The following TTC6 variants were observed in gnomAD, a reference collection of about 807,000 sequenced individuals.
TTC6 encodes the protein tetratricopeptide repeat domain 6, also known as tetratricopeptide repeat protein 6.
TTC6 carries 172 observed loss-of-function variants against 210.4 expected under a neutral mutation model. That is an observed-to-expected ratio of 0.82 (90% CI 0.72 to 0.93). The LOEUF is 0.93. Among genes scored for constraint, TTC6 ranks in the 40% least tolerant of loss-of-function variants. TTC6 has a pLI of 0.00. For synonymous variants in TTC6, 804 were observed against 819.6 expected, an observed-to-expected ratio of 0.98 and a Z score of 0.32; for missense variants, 2,414 against 2,318.1, an observed-to-expected ratio of 1.04 and a Z score of -0.85.
In TTC6 at chr14:37,598,384, C is replaced by A. The variant is rs1043992310; in HGVS notation, c.-235+2376C>A. ...GCGGGCTCCTCAAGTGGGGGATCCG[C>A]GGCAGTGAGGACTGTAGGGTGCGCG... On this transcript the variant is annotated intron_variant, in intron 1 of 2. Coordinates refer to the TTC6 transcript ENST00000556845. This position sits in a 1 kb window ranked among gnomAD's most constrained non-coding sequence, Gnocchi z 4.9. Among the ~76,000 whole-genome samples, 2 of 152,158 alleles carry A rather than the reference C, an allele frequency of 1.3e-5. No individual in the cohort carries two copies. Among genetic ancestry groups the A allele is most frequent in the Admixed American group, 6.5e-5 (1 of 15,280 alleles).
exon 28 of TTC6, chr14:37,826,283 C>T: frequency 6.2e-7 from 1 of 1,612,664 alleles, no homozygotes; most frequent in Non-Finnish European, 8.5e-7. Flanking sequence ...GAAGGAAGAG[C>T]TGTGGTCTGT....
At chr14:37,625,960 A>C (rs770355925) in intron 1 of TTC6, among the ~76,000 whole-genome samples, 2 of 152,138 alleles carry the variant, frequency 1.3e-5, no homozygotes, top group Non-Finnish European at 2.9e-5. Flanking sequence ...TGGGCCACTT[A>C]ATTTTTCATT....
intron 1 of TTC6, among the ~76,000 whole-genome samples, chr14:37,638,550 C>A (rs963943578): frequency 1.4e-5 from 2 of 145,532 alleles, no homozygotes; most frequent in African/African-American, 5.1e-5. Flanking sequence ...CCACTGCCCC[C>A]GGCCTATATA....
intron 1 of TTC6, among the ~76,000 whole-genome samples, chr14:37,668,472 T>G (rs529893301): frequency 3.1e-4 from 46 of 150,426 alleles, no homozygotes; most frequent in African/African-American, 1.1e-3. Flanking sequence ...TGCAATTTTA[T>G]CCCCCTGGAA....
At chr14:37,668,681 T>C (rs2095752802) in intron 1 of TTC6, among the ~76,000 whole-genome samples, 1 of 152,152 alleles carries the variant, frequency 6.6e-6, no homozygotes, top group East Asian at 1.9e-4. Context: ...AAACTTTGCC[T>C]CTTGATGGAA....
chr14:37,645,807 C>T (rs1252841503), intron 1 of TTC6, among the ~76,000 whole-genome samples: 2 of 152,090 alleles, frequency 1.3e-5, no homozygotes, highest in African/African-American at 4.8e-5. Flanking sequence ...TCAACTGGGG[C>T]AGTGGTTCTC....
chr14:37,645,680 G>C (rs2095700333), intron 1 of TTC6, among the ~76,000 whole-genome samples: 1 of 152,148 alleles, frequency 6.6e-6, no homozygotes, highest in South Asian at 2.1e-4. Context: ...AGAGGGAGGA[G>C]ATAGTGCAAG....
At chr14:37,737,506 A>G (rs1280004502) in intron 8 of TTC6, among the ~76,000 whole-genome samples, 154 bp from the exon 11 acceptor site, 1 of 152,170 alleles carries the variant, frequency 6.6e-6, no homozygotes, top group Non-Finnish European at 1.5e-5. Context: ...TCCTCTATAT[A>G]AAGTCAGTGA....
chr14:37,686,671 G>A (rs114391640), intron 3 of TTC6, among the ~76,000 whole-genome samples: 3,238 of 152,222 alleles, frequency 0.021, 127 homozygotes, highest in African/African-American at 0.073. Flanking sequence ...TGTCTCACAC[G>A]GTGGCAGACA....
chr14:37,636,642 G>T (rs1363673860), intron 1 of TTC6, among the ~76,000 whole-genome samples: 1 of 152,054 alleles, frequency 6.6e-6, no homozygotes, highest in East Asian at 1.9e-4. Context: ...AGCACTAAAT[G>T]TATACATTAG....
At chr14:37,707,121 C>T (rs533610199) in intron 5 of TTC6, among the ~76,000 whole-genome samples, 43 of 152,038 alleles carry the variant, frequency 2.8e-4, no homozygotes, top group African/African-American at 1.0e-3. Flanking sequence ...AAATCTGAAA[C>T]CAACCTGTTT....
At chr14:37,740,758 C>A (rs1327780547) in intron 10 of TTC6, among the ~76,000 whole-genome samples, 10 of 152,236 alleles carry the variant, frequency 6.6e-5, no homozygotes, top group Admixed American at 2.0e-4. Context: ...AGTAGGTTTT[C>A]TAAGTTGATA....
chr14:37,736,144 G>A (rs2095901007), intron 8 of TTC6, 134 bp downstream of exon 10: 1 of 568,600 alleles, frequency 1.8e-6, no homozygotes, highest in African/African-American at 1.9e-5. Context: ...CCGGCATTTT[G>A]GGAGTCTGAG....
At chr14:37,716,400 A>G (rs370245430) in intron 6 of TTC6, among the ~76,000 whole-genome samples, 2 of 152,234 alleles carry the variant, frequency 1.3e-5, no homozygotes, top group African/African-American at 4.8e-5. Flanking sequence ...GAGTGGTAAA[A>G]TGGATTAAAA....
chr14:37,721,997 A>G (rs1271592974), intron 6 of TTC6, among the ~76,000 whole-genome samples: 2 of 150,766 alleles, frequency 1.3e-5, no homozygotes, highest in African/African-American at 4.9e-5. Context: ...AATCTCCCCC[A>G]GGGTCTCAGA....
At chr14:37,810,484 C>T (rs1449612626) in intron 24 of TTC6, among the ~76,000 whole-genome samples, 5 of 152,232 alleles carry the variant, frequency 3.3e-5, no homozygotes, top group African/African-American at 9.6e-5. Flanking sequence ...CCAATCTGCT[C>T]ACTTTACAGA....
chr14:37,792,452 A>C (rs1430902407), intron 17 of TTC6, 38 bp downstream of exon 19: 4 of 1,425,322 alleles, frequency 2.8e-6, no homozygotes, highest in East Asian at 2.6e-5. Flanking sequence ...TTTTAAAAAA[A>C]CTTTAATTTT....
chr14:37,815,875 G>A (rs1459091617), intron 25 of TTC6, among the ~76,000 whole-genome samples: 1 of 151,992 alleles, frequency 6.6e-6, no homozygotes, highest in African/African-American at 2.4e-5. Context: ...TAATTACCAT[G>A]TAGTATAATA....
At chr14:37,630,907 G>GTTTTTTTTTTTTTTTTT (rs746429138) in intron 1 of TTC6, among the ~76,000 whole-genome samples, 3 of 33,072 alleles carry the variant, frequency 9.1e-5, no homozygotes, top group Non-Finnish European at 1.5e-4. Context: ...GGCAACCCCT[G>GTTTTTTTTTTTTTTTTT]TTTTTTTTTT....
Sources: allele counts gnomAD v4.1 joint callset (sites outside exome capture counted in the v4.1 genomes callset), GRCh38; gene constraint gnomAD v4.1.1; non-coding constraint Gnocchi (gnomAD v3.1); transcripts MANE v1.5; gene names NCBI Gene and HGNC (gene_info 2026-07-23, HGNC 2026-07-21).